Variants in RIN2 observed in about 807,000 individuals in gnomAD.
RIN2 encodes the protein Ras and Rab interactor 2.
A neutral mutation model predicts 78.0 loss-of-function variants in RIN2; 36 were observed. That is an observed-to-expected ratio of 0.46 (90% confidence interval 0.35 to 0.61). The LOEUF (loss-of-function observed/expected upper bound fraction) is 0.61. Ranked by LOEUF, RIN2 falls within the 20% of genes least tolerant of loss-of-function variation. The probability of loss-of-function intolerance (pLI) is 0.00; values close to 1 mark genes in which losing one functional copy is unlikely to be tolerated. For synonymous variants in RIN2, 466 were observed against 466.8 expected (o/e 1.00, Z 0.02); for missense variants, 1,087 against 1,159.7 (o/e 0.94, Z 0.91).
chr20:19,813,094 C>G (rs900701700), intron 2 of RIN2, among the ~76,000 whole-genome samples: 6 of 152,218 alleles, frequency 3.9e-5, no homozygotes. Flanking sequence ...CAATAGACTT[C>G]CCCACTCTAA....
At chr20:19,784,816 G>C (rs2034620463) in intron 1 of RIN2, among the ~76,000 whole-genome samples, 1 of 152,102 alleles carries the variant, frequency 6.6e-6, no homozygotes, top group South Asian at 2.1e-4. Flanking sequence ...TGGAAGGACA[G>C]GCCCCATCCT....
chr20:19,934,925 T>A (rs1471078327), intron 3 of RIN2, among the ~76,000 whole-genome samples, 174 bp from the exon 4 acceptor site: 1 of 151,732 alleles, frequency 6.6e-6, no homozygotes, highest in Non-Finnish European at 1.5e-5. Context: ...TCCTCCCCCT[T>A]TATTTTTTCC....
rs11471375 is a variant in RIN2 at position 19,969,767 on chromosome 20, AAAACAAAC to A, written c.537-1058_537-1051del. On this transcript the variant is annotated intron_variant, in intron 7 of 12. Coordinates refer to ENST00000255006, the MANE Select transcript of RIN2 (RefSeq NM_018993.4). Reference sequence around the variant, plus strand: ...GTAAGACTATTACCACCACTGGAAAAAAACAAACAAACAAACAAACCCTCCTTTTTGAT... The same window carrying A: ...GTAAGACTATTACCACCACTGGAAAAAAACAAACAAACCCTCCTTTTTGAT... 1.6e-4 allele frequency among the ~76,000 whole-genome samples: 25 copies of A among 151,550 alleles called. 1 individual carries two copies. Among genetic ancestry groups the A allele is most frequent in the Non-Finnish European group, 2.7e-4 (18 of 67,866 alleles).
intron 2 of RIN2, among the ~76,000 whole-genome samples, chr20:19,883,036 C>G (rs1017077729): frequency 6.6e-6 from 1 of 152,100 alleles, no homozygotes; most frequent in Admixed American, 6.5e-5. Context: ...GGCTCAGAAC[C>G]CTTACCCCAT....
intron 3 of RIN2, among the ~76,000 whole-genome samples, chr20:19,893,643 G>T (rs114978347): frequency 0.024 from 3,715 of 152,224 alleles, 162 homozygotes; most frequent in African/African-American, 0.085. Context: ...GATGCCCTGT[G>T]GTTACTGTGG....
chr20:19,779,829 G>T (rs1432830755), intron 1 of RIN2, among the ~76,000 whole-genome samples: 1 of 152,114 alleles, frequency 6.6e-6, no homozygotes, highest in Non-Finnish European at 1.5e-5. Flanking sequence ...GGTTTTTATT[G>T]TTACCAGCAT....
intron 2 of RIN2, among the ~76,000 whole-genome samples, chr20:19,860,871 A>G (rs1168403037): frequency 2.0e-5 from 3 of 152,206 alleles, no homozygotes; most frequent in Non-Finnish European, 4.4e-5. Context: ...ATGAATGACT[A>G]AGTGAACGAA....
At chr20:19,836,668 C>T (rs557796188) in intron 2 of RIN2, among the ~76,000 whole-genome samples, 28 of 152,018 alleles carry the variant, frequency 1.8e-4, no homozygotes, top group East Asian at 3.9e-4. Context: ...TAATTTTGAA[C>T]GGCTCTTATG....
intron 4 of RIN2, among the ~76,000 whole-genome samples, chr20:19,952,679 T>A (rs1480178627): frequency 1.3e-5 from 2 of 152,182 alleles, no homozygotes; most frequent in African/African-American, 4.8e-5. Flanking sequence ...GGAAGGAAGA[T>A]ATGTCAACGT....
Position 19,854,623 on chromosome 20 carries a change from T to G in RIN2, c.-36-34943T>G, listed in dbSNP as rs143372951. On this transcript the variant is annotated intron_variant, in intron 2 of 12. Transcript: ENST00000255006. Reference sequence around the variant, plus strand: ...CCCTTATAAATTGGATTCCTAGGTATTTTGTTCTCTTTGAAGCAATAGTGA... The same window carrying G: ...CCCTTATAAATTGGATTCCTAGGTAGTTTGTTCTCTTTGAAGCAATAGTGA... Among the ~76,000 whole-genome samples the G allele has an allele frequency of 8.2e-3, 1,243 of 152,318 alleles. 20 individuals carry two copies. The highest frequency in any genetic ancestry group is 0.028 in the African/African-American group (1,184 of 41,564).
chr20:19,816,207 C>A (rs1339860226), intron 2 of RIN2, among the ~76,000 whole-genome samples: 1 of 152,154 alleles, frequency 6.6e-6, no homozygotes, highest in African/African-American at 2.4e-5. Flanking sequence ...TCTTTATAAG[C>A]TAGACTTACA....
In RIN2 at chr20:19,992,163, C is replaced by T. The variant is rs142917600; in HGVS notation, c.2069-5C>T. 4.3e-6 allele frequency: 7 copies of T among 1,611,400 alleles called. No homozygotes were observed. In the Admixed American group the frequency reaches 5.0e-5, roughly 12 times the overall value. ...TATTCCATCTCCTTCTCTTCCTGCT[C>T]TCAGGGAGGATGTATGGCGCTGATG... On this transcript the variant is annotated splice_region_variant and splice_polypyrimidine_tract_variant and intron_variant, in intron 10 of 12. Coordinates refer to ENST00000255006, the MANE Select transcript of RIN2 (RefSeq NM_018993.4).
chr20:19,799,166 G>A (rs1236787118), intron 1 of RIN2, among the ~76,000 whole-genome samples: 3 of 152,106 alleles, frequency 2.0e-5, no homozygotes, highest in Non-Finnish European at 2.9e-5. Context: ...CTTCCAAAGT[G>A]CTGGGATTAT....
At chr20:19,868,725 G>T (rs1469540162) in intron 2 of RIN2, among the ~76,000 whole-genome samples, 2 of 152,136 alleles carry the variant, frequency 1.3e-5, no homozygotes, top group Non-Finnish European at 2.9e-5. Context: ...CTGATAATGG[G>T]AATAGGTAAT....
intron 3 of RIN2, among the ~76,000 whole-genome samples, chr20:19,928,403 C>A (rs1049755267): frequency 1.3e-5 from 2 of 152,210 alleles, no homozygotes; most frequent in African/African-American, 4.8e-5. Flanking sequence ...CTACTCCCAG[C>A]TGTCAGGTCA....
intron 12 of RIN2, among the ~76,000 whole-genome samples, chr20:19,998,470 G>C (rs931274747): frequency 2.6e-5 from 4 of 152,054 alleles, no homozygotes; most frequent in Non-Finnish European, 4.4e-5. Flanking sequence ...AGTTAGGTAG[G>C]CGTAGTGGTG....
chr20:19,835,566 T>C (rs560602343), intron 2 of RIN2, among the ~76,000 whole-genome samples: 1 of 152,244 alleles, frequency 6.6e-6, no homozygotes, highest in African/African-American at 2.4e-5. Flanking sequence ...AGATCAGCAT[T>C]TAAAAAGCTA....
rs531782187 is a variant in RIN2 at position 19,970,891 on chromosome 20, C to T, written c.590C>T (p.Ser197Leu). 1.0e-4 allele frequency: 161 copies of T among 1,613,504 alleles called. 1 individual carries two copies. The highest frequency in any genetic ancestry group is 8.7e-4 in the Admixed American group (52 of 59,968). ...CCTTATGCCATTTCAACAGCCAAGT[C>T]GGAGGCTCAGCTTGAAGAACTGGCC... The part of the protein sequence containing the change: ...KLPYAISTAK[S>L]EAQLEELAQM... Residue 197 changes from serine (S) to leucine (L), a missense_variant, in exon 8 of 13, where the codon TCG (serine) becomes TTG (leucine). Ser to Leu is a moderately radical substitution (Grantham distance 145). Around this residue, in one of 8 missense-constraint regions of RIN2, gnomAD observed 706 missense variants for 667.5 expected, o/e 1.06. Coordinates refer to ENST00000255006, the MANE Select transcript of RIN2 (RefSeq NM_018993.4).
At chr20:19,786,109 C>T (rs908460613) in intron 1 of RIN2, among the ~76,000 whole-genome samples, 3 of 152,308 alleles carry the variant, frequency 2.0e-5, no homozygotes, top group African/African-American at 7.2e-5. Flanking sequence ...ACAATGTCAT[C>T]ACCCATCCCA....
Sources: allele counts gnomAD v4.1 joint callset (sites outside exome capture counted in the v4.1 genomes callset), GRCh38; gene constraint gnomAD v4.1.1; regional missense constraint gnomAD v4.1.1; transcripts MANE v1.5; gene names NCBI Gene and HGNC (gene_info 2026-07-23, HGNC 2026-07-21).